The following RAB40C variants were observed in gnomAD, a reference collection of about 807,000 sequenced individuals.
RAB40C encodes RAB40C, member RAS oncogene family.
RAB40C carries 8 observed loss-of-function variants against 28.1 expected under a neutral mutation model. The ratio of observed to expected loss-of-function variants is 0.28; its 90% confidence interval spans 0.17 to 0.51. The LOEUF (loss-of-function observed/expected upper bound fraction) is 0.51. Among genes scored for constraint, RAB40C ranks in the 20% least tolerant of loss-of-function variants. The pLI is 0.97. For missense variants in RAB40C, 288 were observed against 405.9 expected (o/e 0.71, Z 2.50); for synonymous variants, 201 against 171.7 (o/e 1.17, Z -1.34).
intron 5 of RAB40C, 135 bp from the exon 6 acceptor site, chr16:627,207 C>T (rs1156944814): frequency 1.2e-6 from 1 of 838,110 alleles, no homozygotes; most frequent in Non-Finnish European, 1.8e-6. Flanking sequence ...GCGTCCAGGT[C>T]CTCCAGGAGC....
intron 2 of RAB40C, among the ~76,000 whole-genome samples, chr16:617,770 G>C (rs1334063369): frequency 6.6e-6 from 1 of 152,180 alleles, no homozygotes; most frequent in Admixed American, 6.5e-5. Context: ...TTGAACCCGG[G>C]AGGCAGAAGT....
rs769916923 is a variant in RAB40C at position 627,422 on chromosome 16, G to A, written c.646G>A (p.Val216Ile). 22 of 1,613,806 alleles carry A rather than the reference G, an allele frequency of 1.4e-5. No individual in the cohort carries two copies. Among genetic ancestry groups the A allele is most frequent in the Non-Finnish European group, 1.5e-5 (18 of 1,179,996 alleles). The change falls in exon 6 of 6, where the codon GTC (valine) becomes ATC (isoleucine). Residue 216 changes from valine to isoleucine, a missense_variant. By Grantham distance (29) the Val-to-Ile change is conservative. Around this residue, in one of 3 missense-constraint regions of RAB40C, gnomAD observed 153 missense variants for 262.4 expected, o/e 0.58. Transcript: ENST00000248139. ...CCTCATCGACAAGCTTCCACTGCCC[G>A]TCACCATCAAGAGCCACCTCAAGTC... is the stretch of plus-strand genomic sequence containing the variant. ...VHLIDKLPLP[V>I]TIKSHLKSFS... is the part of the protein sequence containing the mutation.
chr16:600,424 C>T (rs190854629), intron 1 of RAB40C, among the ~76,000 whole-genome samples: 6 of 150,066 alleles, frequency 4.0e-5, no homozygotes, highest in African/African-American at 7.4e-5. Flanking sequence ...CCTAACCTGC[C>T]GAGTTTAAAA....
At chr16:607,778 A>G (rs574698206) in intron 1 of RAB40C, among the ~76,000 whole-genome samples, 46 of 152,302 alleles carry the variant, frequency 3.0e-4, no homozygotes, top group South Asian at 2.7e-3. Context: ...GCGACAGAGC[A>G]AGACTCCGTC....
intron 2 of RAB40C, 139 bp from the exon 3 acceptor site, chr16:618,061 G>A (rs1596412578): frequency 1.2e-5 from 9 of 750,202 alleles, no homozygotes; most frequent in Non-Finnish European, 1.8e-5. Context: ...AGACAAAGCC[G>A]CTTAGCACAG....
chr16:590,543 G>A, intron 1 of RAB40C, 110 bp downstream of exon 1: 1 of 1,318,524 alleles, frequency 7.6e-7, no homozygotes, highest in Non-Finnish European at 9.8e-7. Flanking sequence ...ACGTTCCCAG[G>A]AACGCCTTTG....
intron 1 of RAB40C, among the ~76,000 whole-genome samples, chr16:592,358 C>T (rs1326879384): frequency 6.6e-6 from 1 of 152,224 alleles, no homozygotes; most frequent in Non-Finnish European, 1.5e-5. Flanking sequence ...TTCCTCCTGG[C>T]ATGGCTTCAG....
At chr16:619,286 G>T (rs2036661546) in intron 3 of RAB40C, among the ~76,000 whole-genome samples, 1 of 147,984 alleles carries the variant, frequency 6.8e-6, no homozygotes, top group South Asian at 2.2e-4. Context: ...GGTGTACTTG[G>T]AGCTGTGTGT....
intron 4 of RAB40C, 106 bp downstream of exon 4, chr16:625,615 G>A (rs1008030653): frequency 8.8e-5 from 105 of 1,195,932 alleles, no homozygotes; most frequent in Non-Finnish European, 1.2e-4. Flanking sequence ...CTGTGGCCCC[G>A]GCTCTGCACC....
At chr16:600,470 C>T (rs1342816308) in intron 1 of RAB40C, among the ~76,000 whole-genome samples, 3 of 152,186 alleles carry the variant, frequency 2.0e-5, no homozygotes, top group South Asian at 2.1e-4. Flanking sequence ...GCTTTGGTGC[C>T]GGATGGGCAC....
chr16:590,304 G>T lies in RAB40C; in HGVS notation c.13G>T (p.Gly5Cys). 4 of 1,567,260 alleles carry T rather than the reference G, an allele frequency of 2.6e-6. No individual in the cohort carries two copies. The highest frequency in any genetic ancestry group is 1.8e-5 in the Admixed American group (1 of 54,818). Residue 5 changes from glycine (G) to cysteine (C), a missense_variant, in exon 1 of 6, where the codon GGC becomes TGC. Physicochemically the swap from Gly to Cys is radical, Grantham distance 159. Transcript: ENST00000248139. MGSQGSPVKSYDYLL... is the reference protein window; with the variant it reads MGSQCSPVKSYDYLL... ...AGGCGGCGCGGCCATGGGCTCGCAG[G>T]GCAGTCCGGTGAAGAGCTACGACTA...
At chr16:621,197 G>T (rs1005906603) in intron 3 of RAB40C, among the ~76,000 whole-genome samples, 1 of 152,192 alleles carries the variant, frequency 6.6e-6, no homozygotes, top group African/African-American at 2.4e-5. Context: ...GTCTCCAGGC[G>T]GGCCTCTGAC....
At chr16:623,562 G>A (rs956462295) in intron 3 of RAB40C, among the ~76,000 whole-genome samples, 3 of 151,188 alleles carry the variant, frequency 2.0e-5, no homozygotes, top group African/African-American at 7.3e-5. Flanking sequence ...ACTGAGGCAG[G>A]AGAATGGCGT....
At chr16:607,819 G>A (rs1055697495) in intron 1 of RAB40C, among the ~76,000 whole-genome samples, 7 of 152,092 alleles carry the variant, frequency 4.6e-5, no homozygotes, top group African/African-American at 1.4e-4. Flanking sequence ...AAAGAAAGTC[G>A]CATCTGGTAA....
At chr16:616,742 C>G (rs2036594059) in intron 1 of RAB40C, 1 of 158,188 alleles carries the variant, frequency 6.3e-6, no homozygotes, top group Non-Finnish European at 1.4e-5. Flanking sequence ...TTGGAGAATT[C>G]AACTTCAAAA....
In RAB40C at chr16:618,237, A is replaced by G. The variant is rs1195343299; in HGVS notation, c.241A>G (p.Arg81Gly). 6.2e-7 allele frequency: 1 copy of G among 1,613,550 alleles called. No homozygotes were observed. Among genetic ancestry groups the G allele is most frequent in the Non-Finnish European group, 8.5e-7 (1 of 1,179,848 alleles). Residue 81 changes from arginine (R) to glycine (G), a missense_variant, in exon 3 of 6, where the codon AGG becomes GGG. Physicochemically the swap from Arg to Gly is moderately radical, Grantham distance 125. This residue lies in a region of RAB40C where 153 missense variants were observed against 262.4 expected (regional missense o/e 0.58). Transcript: ENST00000248139. ...SGQGRFCTIF[R>G]SYSRGAQGIL... ...CCAGGGCCGGTTCTGCACCATCTTC[A>G]GGTCCTACTCCAGGGGCGCTCAGGT...
chr16:609,476 G>A (rs377175531), intron 1 of RAB40C, among the ~76,000 whole-genome samples: 20 of 152,136 alleles, frequency 1.3e-4, no homozygotes, highest in African/African-American at 2.4e-4. Flanking sequence ...AAGCGGCCAC[G>A]AGACGCCGCC....
chr16:596,570 G>A (rs969893171), intron 1 of RAB40C: 1 of 330,006 alleles, frequency 3.0e-6, no homozygotes. Context: ...CTGGTGCGGA[G>A]AACGCTGCCG....
At chr16:621,895 G>A (rs1346816337) in intron 3 of RAB40C, among the ~76,000 whole-genome samples, 1 of 152,206 alleles carries the variant, frequency 6.6e-6, no homozygotes, top group Non-Finnish European at 1.5e-5. Flanking sequence ...CACACGTGCT[G>A]CTGGCTTGTC....
Sources: allele counts gnomAD v4.1 joint callset (sites outside exome capture counted in the v4.1 genomes callset), GRCh38; gene constraint gnomAD v4.1.1; regional missense constraint gnomAD v4.1.1; transcripts MANE v1.5; gene names NCBI Gene and HGNC (gene_info 2026-07-23, HGNC 2026-07-21).